The following SPOCK3 variants were observed in gnomAD, a reference collection of about 807,000 sequenced individuals.
The protein encoded by SPOCK3 is SPARC (osteonectin), cwcv and kazal like domains proteoglycan 3, also known as testican-3.
A neutral mutation model predicts 56.6 loss-of-function variants in SPOCK3; 30 were observed. That is an observed-to-expected ratio of 0.53 (90% CI 0.40 to 0.72). SPOCK3 has a LOEUF of 0.72. SPOCK3 is among the 30% of genes least tolerant of loss of function. The probability of loss-of-function intolerance (pLI) is 0.00; values close to 1 mark genes in which losing one functional copy is unlikely to be tolerated. For missense variants in SPOCK3, 527 were observed against 530.0 expected, an observed-to-expected ratio of 0.99 and a Z score of 0.06; for synonymous variants, 196 against 183.3, an observed-to-expected ratio of 1.07 and a Z score of -0.56.
At chr4:166,955,578 T>TAAATTATATTAAATTTAATATAATC (rs1561053273) in intron 4 of SPOCK3, among the ~76,000 whole-genome samples, 6 of 128,714 alleles carry the variant, frequency 4.7e-5, no homozygotes, top group Non-Finnish European at 8.1e-5. Context: ...TTAATATAAT[T>TAAATTATATTAAATTTAATATAATC]AAATTATATT....
intron 4 of SPOCK3, among the ~76,000 whole-genome samples, chr4:166,954,493 T>C (rs936941873): frequency 6.6e-5 from 10 of 152,134 alleles, no homozygotes; most frequent in Non-Finnish European, 1.0e-4. Flanking sequence ...TATTGAGAGA[T>C]GAGCATCTAA....
At chr4:167,114,865 C>T (rs1340367631) in intron 2 of SPOCK3, among the ~76,000 whole-genome samples, 2 of 151,706 alleles carry the variant, frequency 1.3e-5, no homozygotes, top group African/African-American at 4.8e-5. Flanking sequence ...AGTGTTCATA[C>T]TAAGACTCCA....
intron 7 of SPOCK3, among the ~76,000 whole-genome samples, chr4:166,771,771 G>T (rs1441161243): frequency 6.6e-6 from 1 of 151,904 alleles, no homozygotes; most frequent in African/African-American, 2.4e-5. Context: ...ATATACTTTT[G>T]TTTCACACTA....
At chr4:167,075,134 C>A (rs1757058406) in intron 2 of SPOCK3, among the ~76,000 whole-genome samples, 1 of 151,614 alleles carries the variant, frequency 6.6e-6, no homozygotes. Context: ...TATTTGGCAG[C>A]ACTTCTAAAG....
intron 7 of SPOCK3, among the ~76,000 whole-genome samples, chr4:166,784,532 G>A (rs1221349164): frequency 6.6e-6 from 1 of 151,958 alleles, no homozygotes; most frequent in Non-Finnish European, 1.5e-5. Flanking sequence ...GCAATGATAT[G>A]GATCTCTCAT....
At chr4:167,039,899 C>A (rs180814889) in intron 3 of SPOCK3, among the ~76,000 whole-genome samples, 169 of 152,290 alleles carry the variant, frequency 1.1e-3, no homozygotes, top group Admixed American at 2.3e-3. Context: ...CTCACCTCTC[C>A]TCTTCCTCTA....
chr4:167,045,308 G>A (rs1753614507), intron 3 of SPOCK3, among the ~76,000 whole-genome samples: 1 of 151,838 alleles, frequency 6.6e-6, no homozygotes, highest in African/African-American at 2.4e-5. Flanking sequence ...TTCCTTTTAA[G>A]CATATAGTTG....
At chr4:166,887,274 G>A (rs745677207) in intron 6 of SPOCK3, among the ~76,000 whole-genome samples, 10 of 152,180 alleles carry the variant, frequency 6.6e-5, no homozygotes, top group Admixed American at 1.3e-4. Context: ...GTTTAAAAGC[G>A]GGAAATCTCA....
intron 2 of SPOCK3, among the ~76,000 whole-genome samples, chr4:167,178,704 T>C (rs1731194149): frequency 6.6e-6 from 1 of 152,120 alleles, no homozygotes; most frequent in Non-Finnish European, 1.5e-5. Context: ...AATAACATAC[T>C]GAGCAAAAGA....
chr4:167,185,938 T>C (rs1731912389), intron 2 of SPOCK3, among the ~76,000 whole-genome samples: 1 of 152,220 alleles, frequency 6.6e-6, no homozygotes, highest in Admixed American at 6.5e-5. Flanking sequence ...AAATGCTTTG[T>C]ACTATTTCCA....
chr4:166,821,609 G>A (rs1334181036), intron 6 of SPOCK3, among the ~76,000 whole-genome samples: 1 of 151,892 alleles, frequency 6.6e-6, no homozygotes, highest in African/African-American at 2.4e-5. Flanking sequence ...CAATAAAAAG[G>A]AACAAAGTAC....
intron 6 of SPOCK3, among the ~76,000 whole-genome samples, chr4:166,808,036 A>G (rs2126713821): frequency 6.6e-6 from 1 of 152,252 alleles, no homozygotes; most frequent in East Asian, 1.9e-4. Flanking sequence ...ATATTTCCAG[A>G]GTAGATTTTA....
chr4:167,227,534 G>A lies in SPOCK3; in HGVS notation c.189+6451C>T, dbSNP rs555741903. On this transcript the variant is annotated intron_variant, in intron 2 of 10. Transcript: ENST00000357545. ...TAGGTGAGTTGTAGGATCATGGAGA[G>A]GAAGGGAGACTACAATCTGTAGCTG... is the stretch of plus-strand genomic sequence containing the variant. Among the ~76,000 whole-genome samples, 4 of 152,182 alleles carry A rather than the reference G, an allele frequency of 2.6e-5. No homozygotes were observed. In the South Asian group the frequency reaches 8.3e-4, roughly 32 times the overall value.
intron 3 of SPOCK3, among the ~76,000 whole-genome samples, chr4:167,054,692 TCTTA>T (rs764438964): frequency 1.3e-5 from 2 of 152,182 alleles, no homozygotes; most frequent in Non-Finnish European, 2.9e-5. Context: ...TCCCCAAAAC[TCTTA>T]CTGTTTTAGT....
At chr4:167,150,146 TA>T (rs1684184539) in intron 2 of SPOCK3, among the ~76,000 whole-genome samples, 1 of 152,164 alleles carries the variant, frequency 6.6e-6, no homozygotes, top group Non-Finnish European at 1.5e-5. Context: ...ATGAGTGGAA[TA>T]AGGGCTTTTA....
intron 4 of SPOCK3, among the ~76,000 whole-genome samples, chr4:166,952,415 T>C (rs1424715509): frequency 6.6e-6 from 1 of 152,054 alleles, no homozygotes; most frequent in African/African-American, 2.4e-5. Context: ...TACAAACCAC[T>C]GCTCAAGGAA....
At chr4:167,012,660 C>T (rs1579993392) in intron 3 of SPOCK3, among the ~76,000 whole-genome samples, 1 of 152,022 alleles carries the variant, frequency 6.6e-6, no homozygotes, top group East Asian at 1.9e-4. Context: ...CGAAATAATG[C>T]AATCAGTACA....
intron 3 of SPOCK3, among the ~76,000 whole-genome samples, chr4:167,046,098 G>GT (rs983405600): frequency 3.5e-4 from 53 of 151,502 alleles, no homozygotes; most frequent in Non-Finnish European, 6.3e-4. Flanking sequence ...CTTCTAACTT[G>GT]TTTTTTTTAC....
intron 2 of SPOCK3, among the ~76,000 whole-genome samples, chr4:167,165,464 T>C (rs1275351794): frequency 6.6e-6 from 1 of 152,010 alleles, no homozygotes; most frequent in African/African-American, 2.4e-5. Context: ...AAAAAGCTTA[T>C]CATCACTGGT....
Sources: allele counts gnomAD v4.1 joint callset (sites outside exome capture counted in the v4.1 genomes callset), GRCh38; gene constraint gnomAD v4.1.1; transcripts MANE v1.5; gene names NCBI Gene and HGNC (gene_info 2026-07-23, HGNC 2026-07-21).